Variants in GPC6 observed in about 807,000 individuals in gnomAD.
GPC6 encodes the protein glypican 6.
In GPC6, 14 loss-of-function variants were observed where a neutral mutation model predicts 55.2. The observed-to-expected ratio is 0.25, with a 90% CI of 0.17 to 0.40. The LOEUF is 0.40. Ranked by LOEUF, GPC6 falls within the 10% of genes least tolerant of loss-of-function variation. GPC6 has a pLI of 1.00. For synonymous variants in GPC6, 278 were observed against 259.6 expected (o/e 1.07, Z -0.68); for missense variants, 641 against 708.5 (o/e 0.90, Z 1.08).
At chr13:94,048,035 A>C (rs969455131) in intron 4 of GPC6, among the ~76,000 whole-genome samples, 4 of 152,058 alleles carry the variant, frequency 2.6e-5, no homozygotes, top group African/African-American at 9.7e-5. Context: ...GGCAATTAAA[A>C]AAAAAATAAC....
rs758523591 is a variant in GPC6, at chr13:93,226,972, G to C, written c.-485G>C. The C allele has an allele frequency of 2.6e-5, 4 of 153,678 alleles. No homozygotes were observed. Among genetic ancestry groups the C allele is most frequent in the Non-Finnish European group, 5.8e-5 (4 of 68,988 alleles). The allele number at this position is 153,678 out of a possible 1,614,324, so 9.5% of individuals were successfully genotyped here. ...ACGCACACACATCCCCAAGAACCTC[G>C]AGCTCACACCAACAGACACACGCGC... On this transcript the variant is annotated 5_prime_UTR_variant, in exon 1 of 9. Transcript: ENST00000377047.
intron 4 of GPC6, among the ~76,000 whole-genome samples, chr13:94,070,394 C>T (rs938692199): frequency 5.3e-5 from 8 of 152,170 alleles, no homozygotes; most frequent in Non-Finnish European, 1.0e-4. Flanking sequence ...TGTCTAAATG[C>T]AGAGAACTCA....
chr13:93,310,793 T>G (rs953913346), intron 1 of GPC6, among the ~76,000 whole-genome samples: 6 of 152,218 alleles, frequency 3.9e-5, no homozygotes, highest in African/African-American at 1.4e-4. Context: ...AATCATAATA[T>G]GATGGCTACA....
intron 4 of GPC6, among the ~76,000 whole-genome samples, chr13:94,231,701 G>A (rs1458058820): frequency 6.6e-6 from 1 of 152,096 alleles, no homozygotes; most frequent in Non-Finnish European, 1.5e-5. Flanking sequence ...CAGAGTGATA[G>A]CAAATGATCT....
chr13:94,362,687 G>A (rs945615558), intron 6 of GPC6, among the ~76,000 whole-genome samples: 2 of 152,226 alleles, frequency 1.3e-5, no homozygotes, highest in African/African-American at 2.4e-5. Flanking sequence ...GTCACTGTTC[G>A]ACTTTTTGAT....
At chr13:93,451,080 AAG>A (rs1458622544) in intron 1 of GPC6, among the ~76,000 whole-genome samples, 4 of 152,192 alleles carry the variant, frequency 2.6e-5, no homozygotes, top group Non-Finnish European at 5.9e-5. Flanking sequence ...GGATAAGTTT[AAG>A]AGAGAGAGAA....
At chr13:93,614,800 T>C (rs915828886) in intron 2 of GPC6, among the ~76,000 whole-genome samples, 1 of 152,208 alleles carries the variant, frequency 6.6e-6, no homozygotes, top group Admixed American at 6.5e-5. Context: ...ACGTTTTGTT[T>C]AGAAAGTTAA....
At chr13:93,851,291 C>T (rs1257620069) in intron 3 of GPC6, among the ~76,000 whole-genome samples, 1 of 151,928 alleles carries the variant, frequency 6.6e-6, no homozygotes, top group African/African-American at 2.4e-5. Context: ...TTTTGGCACT[C>T]ATGATCTATT....
intron 4 of GPC6, among the ~76,000 whole-genome samples, chr13:94,135,729 G>T (rs999553755): frequency 6.6e-6 from 1 of 152,198 alleles, no homozygotes; most frequent in African/African-American, 2.4e-5. Context: ...GAATTAGCAA[G>T]AATCAATAAA....
At chr13:94,009,808 T>C (rs1187847811) in intron 3 of GPC6, among the ~76,000 whole-genome samples, 1 of 152,038 alleles carries the variant, frequency 6.6e-6, no homozygotes, top group African/African-American at 2.4e-5. Flanking sequence ...TTTAATGAAG[T>C]TTGATATAGA....
chr13:93,938,173 C>T (rs1400537801), intron 3 of GPC6, among the ~76,000 whole-genome samples: 1 of 152,042 alleles, frequency 6.6e-6, no homozygotes, highest in Non-Finnish European at 1.5e-5. Context: ...GCAAATATAG[C>T]CAATTTTTCC....
chr13:93,475,504 A>G (rs1879270580), intron 1 of GPC6, among the ~76,000 whole-genome samples: 1 of 152,168 alleles, frequency 6.6e-6, no homozygotes. Context: ...CTATATCTGA[A>G]ACTGTATACA....
intron 1 of GPC6, among the ~76,000 whole-genome samples, chr13:93,323,115 G>T (rs1049519644): frequency 2.6e-5 from 4 of 152,054 alleles, no homozygotes; most frequent in Non-Finnish European, 2.9e-5. Context: ...TTTTCTATCT[G>T]TTTTGGGGAC....
intron 4 of GPC6, among the ~76,000 whole-genome samples, chr13:94,249,612 A>C (rs1308962927): frequency 6.6e-6 from 1 of 152,174 alleles, no homozygotes; most frequent in Non-Finnish European, 1.5e-5. Context: ...GGAGGAAAAA[A>C]CAAAAGCTAA....
intron 2 of GPC6, among the ~76,000 whole-genome samples, chr13:93,570,003 T>A (rs1876326300): frequency 6.6e-6 from 1 of 151,226 alleles, no homozygotes; most frequent in Non-Finnish European, 1.5e-5. Flanking sequence ...TATCTTAAGA[T>A]TTATTTTTGT....
chr13:93,930,275 G>GT (rs35858695), intron 3 of GPC6, among the ~76,000 whole-genome samples: 64,955 of 124,000 alleles, frequency 0.52, 18,052 homozygotes, highest in African/African-American at 0.56. Flanking sequence ...GAAACGAAAG[G>GT]TTTTTTTTTT....
At chr13:94,299,721 T>G (rs1594144921) in intron 5 of GPC6, among the ~76,000 whole-genome samples, 1 of 152,340 alleles carries the variant, frequency 6.6e-6, no homozygotes, top group East Asian at 1.9e-4. Context: ...GAAATAAATT[T>G]CTGTTGTTTA....
Position 93,935,582 on chromosome 13 carries a change from T to C in GPC6, c.712-92147T>C, listed in dbSNP as rs142737481. Among the ~76,000 whole-genome samples, 314 of 152,344 alleles carry C rather than the reference T, an allele frequency of 2.1e-3. 6 individuals carry two copies. In the East Asian group the frequency reaches 0.055, roughly 27 times the overall value. ...ACATATGAGTGCAGGAAATTTTGCC[T>C]ATTCCTTTTTAATTTTTTAATATGA... On this transcript the variant is annotated intron_variant, in intron 3 of 8. Coordinates refer to ENST00000377047, the MANE Select transcript of GPC6 (RefSeq NM_005708.5).
intron 4 of GPC6, among the ~76,000 whole-genome samples, chr13:94,092,218 C>A: frequency 6.6e-6 from 1 of 151,942 alleles, no homozygotes; most frequent in East Asian, 1.9e-4. Flanking sequence ...AATCACTGTG[C>A]TCTATATTGT....
Sources: gnomAD v4.1 joint callset for allele counts (sites outside exome capture counted in the v4.1 genomes callset) on GRCh38, gnomAD v4.1.1 for gene constraint, MANE v1.5 for transcripts, NCBI Gene and HGNC (gene_info 2026-07-23, HGNC 2026-07-21) for gene names.